Variants in SERGEF observed in about 807,000 individuals in gnomAD.
The protein encoded by SERGEF is secretion regulating guanine nucleotide exchange factor.
SERGEF carries 51 observed loss-of-function variants against 50.0 expected under a neutral mutation model. The observed-to-expected ratio is 1.02, with a 90% CI of 0.81 to 1.29. The LOEUF (loss-of-function observed/expected upper bound fraction) is 1.29. Ranked by LOEUF, SERGEF falls within the 50% of genes most tolerant of loss-of-function variation. SERGEF has a pLI of 0.00. For synonymous variants in SERGEF, 205 were observed against 212.4 expected, an observed-to-expected ratio of 0.97 and a Z score of 0.30; for missense variants, 521 against 557.0, an observed-to-expected ratio of 0.94 and a Z score of 0.65.
intron 10 of SERGEF, 33 bp downstream of exon 10, chr11:17,878,175 G>A: frequency 6.7e-7 from 1 of 1,501,564 alleles, no homozygotes; most frequent in Non-Finnish European, 9.2e-7. Context: ...ATGATTTTCA[G>A]AAGAAACAGT....
intron 10 of SERGEF, among the ~76,000 whole-genome samples, chr11:17,806,683 C>T (rs1849761928): frequency 1.3e-5 from 2 of 152,086 alleles, no homozygotes; most frequent in African/African-American, 4.8e-5. Flanking sequence ...CAACTGTGAC[C>T]CAAAAGAGAA....
rs139414031 is a variant in SERGEF, at chr11:17,989,083, G to A, written c.686-328C>T. ...TGAGACACATTTCTCTATTTTCTAC[G>A]TTTTTAAAATATATGCCTATACCTT... On this transcript the variant is annotated intron_variant, in intron 7 of 10. Coordinates refer to ENST00000265965, the MANE Select transcript of SERGEF (RefSeq NM_012139.4). 5.9e-3 allele frequency among the ~76,000 whole-genome samples: 890 copies of A among 152,026 alleles called. 9 individuals are homozygous for A. Among genetic ancestry groups the A allele is most frequent in the African/African-American group, 0.02 (840 of 41,470 alleles).
chr11:17,817,937 T>C (rs953338050), intron 10 of SERGEF, among the ~76,000 whole-genome samples: 4 of 152,152 alleles, frequency 2.6e-5, no homozygotes, highest in Admixed American at 1.3e-4. Flanking sequence ...GAACCAGAAA[T>C]GGATGCCCTC....
At chr11:17,832,533 G>A (rs536570560) in intron 10 of SERGEF, among the ~76,000 whole-genome samples, 109 of 152,268 alleles carry the variant, frequency 7.2e-4, no homozygotes, top group African/African-American at 2.4e-3. Flanking sequence ...GAAGATACCC[G>A]AAAAAGTGGA....
chr11:17,915,894 T>C (rs981813166), intron 9 of SERGEF, among the ~76,000 whole-genome samples: 20 of 152,174 alleles, frequency 1.3e-4, no homozygotes, highest in Non-Finnish European at 2.5e-4. Context: ...AGCCAGTGGC[T>C]GGAAAACCAG....
chr11:17,977,362 A>C (rs1180663082), intron 8 of SERGEF, among the ~76,000 whole-genome samples: 2 of 152,242 alleles, frequency 1.3e-5, no homozygotes, highest in African/African-American at 4.8e-5. Context: ...TGCAGGAATC[A>C]CAGAGACGAG....
chr11:17,927,813 C>T (rs1346740964), intron 9 of SERGEF, among the ~76,000 whole-genome samples: 9 of 152,230 alleles, frequency 5.9e-5, no homozygotes, highest in African/African-American at 2.2e-4. Context: ...ATTGCACACA[C>T]ATTGAAATTT....
Position 17,944,022 on chromosome 11 carries a change from G to T in SERGEF, c.1011+15448C>A, listed in dbSNP as rs1002675767. Among the ~76,000 whole-genome samples the T allele has an allele frequency of 9.2e-5, 14 of 152,114 alleles. 1 individual carries two copies. The highest frequency in any genetic ancestry group is 1.6e-4 in the Non-Finnish European group (11 of 68,028). Reference sequence around the variant, plus strand: ...AGCTCACTGCAACCTCCACCTCCCAGGTTCAAGCGGTTCTCCTGCCTCAGC... The same window carrying T: ...AGCTCACTGCAACCTCCACCTCCCATGTTCAAGCGGTTCTCCTGCCTCAGC... On this transcript the variant is annotated intron_variant, in intron 9 of 10. Transcript: ENST00000265965.
chr11:17,873,437 T>C (rs975912634), intron 10 of SERGEF, among the ~76,000 whole-genome samples: 1 of 152,186 alleles, frequency 6.6e-6, no homozygotes, highest in Non-Finnish European at 1.5e-5. Flanking sequence ...GGTTTGGAGA[T>C]ATCACCACTC....
intron 5 of SERGEF, among the ~76,000 whole-genome samples, chr11:17,996,482 T>G (rs1853839914): frequency 6.6e-6 from 1 of 152,240 alleles, no homozygotes; most frequent in Non-Finnish European, 1.5e-5. Context: ...GCAAGATAGC[T>G]TCTTAATAGC....
chr11:17,961,223 C>T (rs542495865), intron 8 of SERGEF, among the ~76,000 whole-genome samples: 1 of 152,334 alleles, frequency 6.6e-6, no homozygotes. Flanking sequence ...TATTACTCTG[C>T]ATTGGTTATT....
chr11:17,852,279 C>A (rs1368129719), intron 10 of SERGEF, among the ~76,000 whole-genome samples: 1 of 152,186 alleles, frequency 6.6e-6, no homozygotes, highest in Non-Finnish European at 1.5e-5. Flanking sequence ...GACTCCCGAA[C>A]CCATGCTCTT....
intron 9 of SERGEF, among the ~76,000 whole-genome samples, chr11:17,916,353 T>G (rs142229666): frequency 5.3e-5 from 8 of 152,330 alleles, no homozygotes; most frequent in African/African-American, 1.9e-4. Context: ...AAATTTATTA[T>G]CATTATTATT....
At chr11:17,932,551 G>C (rs539197049) in intron 9 of SERGEF, among the ~76,000 whole-genome samples, 62 of 152,214 alleles carry the variant, frequency 4.1e-4, no homozygotes, top group Non-Finnish European at 7.2e-4. Context: ...AATTTGTTGA[G>C]CTCTGAATAA....
intron 10 of SERGEF, among the ~76,000 whole-genome samples, chr11:17,798,427 T>A (rs1454681950): frequency 1.3e-5 from 2 of 152,158 alleles, no homozygotes; most frequent in East Asian, 3.9e-4. Flanking sequence ...TTGGGTGCGG[T>A]TCAGAAACAG....
At chr11:17,843,954 G>C (rs1850554316) in intron 10 of SERGEF, among the ~76,000 whole-genome samples, 1 of 152,182 alleles carries the variant, frequency 6.6e-6, no homozygotes, top group African/African-American at 2.4e-5. Context: ...TTACCTGGAG[G>C]ACTATCAGAA....
intron 8 of SERGEF, among the ~76,000 whole-genome samples, chr11:17,975,219 T>G (rs544618594): frequency 6.6e-6 from 1 of 152,328 alleles, no homozygotes; most frequent in South Asian, 2.1e-4. Flanking sequence ...CATGTCTCTT[T>G]ATGTCTCTTC....
rs562466719 is a variant in SERGEF, at chr11:17,832,324, G to A, written c.1049-43911C>T. On this transcript the variant is annotated intron_variant, in intron 10 of 10. Transcript: ENST00000265965. Reference sequence around the variant, plus strand: ...CCCTGCACAAGCTCTCTCATTTTTTGCCTGCAACCATGCACATAACATGTG... The same window carrying A: ...CCCTGCACAAGCTCTCTCATTTTTTACCTGCAACCATGCACATAACATGTG... 2.0e-5 allele frequency among the ~76,000 whole-genome samples: 3 copies of A among 152,226 alleles called. No homozygotes were observed. In the East Asian group the frequency reaches 5.8e-4, roughly 29 times the overall value.
At chr11:17,995,666 C>G (rs1306637348) in intron 6 of SERGEF, 130 bp downstream of exon 6, 7 of 655,520 alleles carry the variant, frequency 1.1e-5, no homozygotes, top group Non-Finnish European at 1.9e-5. Flanking sequence ...ACTAACAGAC[C>G]AACTAATAGA....
Sources: allele counts gnomAD v4.1 joint callset (sites outside exome capture counted in the v4.1 genomes callset), GRCh38; gene constraint gnomAD v4.1.1; transcripts MANE v1.5; gene names NCBI Gene and HGNC (gene_info 2026-07-23, HGNC 2026-07-21).